Variants in NFIA observed in about 807,000 individuals in gnomAD.
NFIA encodes nuclear factor 1 A-type.
In NFIA, 8 loss-of-function variants were observed where a neutral mutation model predicts 62.8. The ratio of observed to expected loss-of-function variants is 0.13; its 90% CI spans 0.07 to 0.23. The LOEUF is 0.23. Ranked by LOEUF, NFIA falls within the 10% of genes least tolerant of loss-of-function variation. The probability of loss-of-function intolerance (pLI) is 1.00; values close to 1 mark genes in which losing one functional copy is unlikely to be tolerated. For synonymous variants in NFIA, 235 were observed against 238.1 expected (o/e 0.99, Z 0.12); for missense variants, 410 against 642.1 (o/e 0.64, Z 3.91).
intron 2 of NFIA, among the ~76,000 whole-genome samples, chr1:61,165,553 A>G (rs1419780710): frequency 6.6e-6 from 1 of 152,226 alleles, no homozygotes; most frequent in African/African-American, 2.4e-5. Context: ...TGACTCCAGC[A>G]AATTGACTCG....
chr1:61,368,600 T>G (rs1226238243), intron 6 of NFIA, among the ~76,000 whole-genome samples: 1 of 152,176 alleles, frequency 6.6e-6, no homozygotes, highest in Non-Finnish European at 1.5e-5. Flanking sequence ...TTTGAAAAGA[T>G]CAAATGAGAT....
In NFIA at chr1:61,459,711, T is replaced by A. The variant is rs992239167; in HGVS notation, c.*4391T>A. 2.6e-5 allele frequency: 4 copies of A among 152,268 alleles called. No homozygotes were observed. The highest frequency in any genetic ancestry group is 9.6e-5 in the African/African-American group (4 of 41,466). 9.4% of individuals were successfully genotyped at this position (152,268 alleles called of 1,614,324 possible). On this transcript the variant is annotated 3_prime_UTR_variant, in exon 11 of 11. Coordinates refer to ENST00000403491, the MANE Select transcript of NFIA (RefSeq NM_001134673.4). Reference sequence around the variant, plus strand: ...AGACCCATCTCCAAAAGTTTGTCTTTGATTTTTTCCAAGCCCTTAGCCCCA... The same window carrying A: ...AGACCCATCTCCAAAAGTTTGTCTTAGATTTTTTCCAAGCCCTTAGCCCCA...
At chr1:61,141,691 C>A (rs948695313) in intron 2 of NFIA, among the ~76,000 whole-genome samples, 6 of 152,168 alleles carry the variant, frequency 3.9e-5, no homozygotes, top group South Asian at 2.1e-4. Flanking sequence ...GACCCTAAAT[C>A]CCTTCTATTT....
At chr1:61,438,009 T>G (rs1028746032) in intron 10 of NFIA, among the ~76,000 whole-genome samples, 44 of 152,282 alleles carry the variant, frequency 2.9e-4, no homozygotes, top group Middle Eastern at 3.4e-3. Context: ...GATCTCTATA[T>G]GTGAAGAAAC....
At chr1:61,135,920 C>A (rs1161579897) in intron 2 of NFIA, among the ~76,000 whole-genome samples, 2 of 152,144 alleles carry the variant, frequency 1.3e-5, no homozygotes, top group Non-Finnish European at 2.9e-5. Context: ...GTAGTCTCCC[C>A]TACCCCAGCT....
At chr1:61,218,318 G>A (rs778731102) in intron 2 of NFIA, among the ~76,000 whole-genome samples, 9 of 152,186 alleles carry the variant, frequency 5.9e-5, no homozygotes, top group Admixed American at 5.2e-4. Context: ...TTCATGTACC[G>A]ACTTCAAGAG....
At chr1:61,255,171 G>C (rs1656301952) in intron 2 of NFIA, among the ~76,000 whole-genome samples, 1 of 152,162 alleles carries the variant, frequency 6.6e-6, no homozygotes, top group Middle Eastern at 3.4e-3. Flanking sequence ...AAAAGAAAAA[G>C]CACACACAAA....
intron 6 of NFIA, among the ~76,000 whole-genome samples, chr1:61,363,234 A>G (rs1420568316): frequency 6.6e-6 from 1 of 152,214 alleles, no homozygotes; most frequent in Admixed American, 6.5e-5. Flanking sequence ...TTTATCTTCT[A>G]CACTCAGTAA....
intron 3 of NFIA, among the ~76,000 whole-genome samples, chr1:61,312,590 G>A (rs1268665086): frequency 6.6e-6 from 1 of 151,710 alleles, no homozygotes; most frequent in African/African-American, 2.4e-5. Flanking sequence ...ATGGCTCACT[G>A]CAGCCTCAAC....
At chr1:61,081,990 C>A (rs1175426296), upstream of NFIA, 2 of 1,550,538 alleles carry the variant, frequency 1.3e-6, no homozygotes, top group South Asian at 2.4e-5. Context: ...TACGTGCCCA[C>A]GCGGTGGCCC....
chr1:61,170,484 T>C (rs1430845712), intron 2 of NFIA, among the ~76,000 whole-genome samples: 1 of 152,174 alleles, frequency 6.6e-6, no homozygotes, highest in Non-Finnish European at 1.5e-5. Flanking sequence ...TAAATAGCCT[T>C]GGGAGGTGCT....
intron 3 of NFIA, among the ~76,000 whole-genome samples, chr1:61,317,727 G>T (rs1309026369): frequency 6.6e-6 from 1 of 152,016 alleles, no homozygotes; most frequent in Non-Finnish European, 1.5e-5. Flanking sequence ...CATGTGAAAA[G>T]AATGTGGTTA....
intron 2 of NFIA, among the ~76,000 whole-genome samples, chr1:61,255,939 C>T (rs142539531): frequency 1.9e-4 from 29 of 152,234 alleles, no homozygotes; most frequent in South Asian, 8.3e-4. Context: ...AGGCTGCCCT[C>T]GGGTAGACCA....
intron 2 of NFIA, among the ~76,000 whole-genome samples, chr1:61,188,957 G>A (rs1263349765): frequency 6.6e-6 from 1 of 152,110 alleles, no homozygotes; most frequent in Non-Finnish European, 1.5e-5. Context: ...CCATTTAATA[G>A]GCTTACTGTG....
chr1:61,379,171 G>C (rs1050500178), intron 6 of NFIA, among the ~76,000 whole-genome samples: 24 of 151,986 alleles, frequency 1.6e-4, no homozygotes, highest in Admixed American at 1.5e-3. Context: ...CAAGAGGAGA[G>C]GATTATATAA....
chr1:61,179,757 A>G (rs925621974), intron 2 of NFIA, among the ~76,000 whole-genome samples: 1 of 152,174 alleles, frequency 6.6e-6, no homozygotes, highest in African/African-American at 2.4e-5. Flanking sequence ...GAGAGTTGCT[A>G]ACCCTGCTTT....
intron 6 of NFIA, among the ~76,000 whole-genome samples, chr1:61,374,910 G>A (rs1233125185): frequency 6.6e-6 from 1 of 152,240 alleles, no homozygotes; most frequent in East Asian, 1.9e-4. Context: ...TTATCGTTGA[G>A]TGTGCTAATC....
intron 4 of NFIA, among the ~76,000 whole-genome samples, chr1:61,340,899 C>G (rs1661863922): frequency 6.6e-6 from 1 of 151,908 alleles, no homozygotes; most frequent in Non-Finnish European, 1.5e-5. Context: ...ATTCTTTTTC[C>G]TCAAATTTTC....
chr1:61,124,162 C>G (rs1646931782), intron 2 of NFIA, among the ~76,000 whole-genome samples: 2 of 152,116 alleles, frequency 1.3e-5, no homozygotes, highest in African/African-American at 2.4e-5. Context: ...AGTTCTTGTT[C>G]TAGCTGTGTA....
Sources: allele counts gnomAD v4.1 joint callset (sites outside exome capture counted in the v4.1 genomes callset), GRCh38; gene constraint gnomAD v4.1.1; transcripts MANE v1.5; gene names NCBI Gene and HGNC (gene_info 2026-07-23, HGNC 2026-07-21).